Variants in KCNQ3 observed in about 807,000 individuals in gnomAD.
KCNQ3 encodes potassium voltage-gated channel subfamily Q member 3.
A neutral mutation model predicts 92.5 loss-of-function variants in KCNQ3; 30 were observed. The ratio of observed to expected loss-of-function variants is 0.32; its 90% CI spans 0.24 to 0.44. The LOEUF (loss-of-function observed/expected upper bound fraction) is 0.44, where lower values mean the gene tolerates loss of function less well. KCNQ3 is among the 20% of genes least tolerant of loss of function. The pLI, the probability that KCNQ3 is intolerant of heterozygous loss-of-function variation, is 1.00. For missense variants in KCNQ3, 913 were observed against 1,140.3 expected, an observed-to-expected ratio of 0.80 and a Z score of 2.87; for synonymous variants, 450 against 468.8, an observed-to-expected ratio of 0.96 and a Z score of 0.52.
At chr8:132,163,126 C>G (rs1169472272) in intron 9 of KCNQ3, among the ~76,000 whole-genome samples, 1 of 152,178 alleles carries the variant, frequency 6.6e-6, no homozygotes, top group Non-Finnish European at 1.5e-5. Flanking sequence ...CACTCAATCT[C>G]AACCCAACCT....
chr8:132,437,449 A>G (rs1339500985), intron 1 of KCNQ3, among the ~76,000 whole-genome samples: 1 of 152,200 alleles, frequency 6.6e-6, no homozygotes, highest in East Asian at 1.9e-4. Flanking sequence ...CTTGCAGGTG[A>G]ACATGGAATA....
chr8:132,348,101 T>G (rs1818751766), intron 1 of KCNQ3, among the ~76,000 whole-genome samples: 1 of 152,010 alleles, frequency 6.6e-6, no homozygotes, highest in African/African-American at 2.4e-5. Context: ...ATTTCCTACA[T>G]TGTAATTTAT....
chr8:132,361,162 G>A (rs1020417877), intron 1 of KCNQ3, among the ~76,000 whole-genome samples: 3 of 152,156 alleles, frequency 2.0e-5, no homozygotes, highest in Admixed American at 1.3e-4. Context: ...GAACAAACTG[G>A]TATGCGAGAC....
intron 1 of KCNQ3, among the ~76,000 whole-genome samples, chr8:132,377,519 G>A (rs1819643372): frequency 6.6e-6 from 1 of 152,198 alleles, no homozygotes; most frequent in African/African-American, 2.4e-5. Flanking sequence ...ATGAGGCTGG[G>A]TCAGGGAGTC....
chr8:132,318,427 G>A (rs527569341), intron 1 of KCNQ3, among the ~76,000 whole-genome samples: 2 of 152,288 alleles, frequency 1.3e-5, no homozygotes, highest in East Asian at 3.9e-4. Flanking sequence ...CTCTCACAGA[G>A]GGAATCTGTT....
intron 1 of KCNQ3, among the ~76,000 whole-genome samples, chr8:132,214,838 C>T (rs1459591363): frequency 6.6e-6 from 1 of 152,208 alleles, no homozygotes; most frequent in Admixed American, 6.5e-5. Flanking sequence ...TGTTTGGCAC[C>T]TGGGGCATTG....
At chr8:132,210,256 A>C (rs543299386) in intron 1 of KCNQ3, among the ~76,000 whole-genome samples, 6 of 152,200 alleles carry the variant, frequency 3.9e-5, no homozygotes, top group Non-Finnish European at 7.3e-5. Context: ...AGAAGGAAGA[A>C]ATCACCAGCT....
At chr8:132,277,076 A>ATTT (rs1816358406) in intron 1 of KCNQ3, among the ~76,000 whole-genome samples, 1 of 150,860 alleles carries the variant, frequency 6.6e-6, no homozygotes, top group Non-Finnish European at 1.5e-5. Context: ...ATAATTTTTA[A>ATTT]AAAAAAAAAG....
intron 1 of KCNQ3, among the ~76,000 whole-genome samples, chr8:132,197,680 A>C (rs1827337452): frequency 6.6e-6 from 1 of 152,146 alleles, no homozygotes; most frequent in Admixed American, 6.5e-5. Flanking sequence ...GGTGACATTT[A>C]ATTTTTCATT....
chr8:132,323,557 G>T (rs1343665615), intron 1 of KCNQ3, among the ~76,000 whole-genome samples: 4 of 152,076 alleles, frequency 2.6e-5, no homozygotes, highest in Non-Finnish European at 5.9e-5. Context: ...CCCAAAACCT[G>T]CTCCTAGCCT....
intron 1 of KCNQ3, among the ~76,000 whole-genome samples, chr8:132,234,946 T>G (rs1440556700): frequency 6.6e-6 from 1 of 152,246 alleles, no homozygotes; most frequent in Non-Finnish European, 1.5e-5. Flanking sequence ...TCACATTCCG[T>G]GGTGATGGTT....
In KCNQ3 at chr8:132,127,456, G is replaced by C. The variant is rs1159658679; in HGVS notation, c.*1806C>G. 1 of 152,146 alleles carries C rather than the reference G, an allele frequency of 6.6e-6. No homozygotes were observed. Among genetic ancestry groups the C allele is most frequent in the Non-Finnish European group, 1.5e-5 (1 of 68,022 alleles). The allele number at this position is 152,146 out of a possible 1,614,324, so 9.4% of individuals were successfully genotyped here. ...TAACTGTTGACATGTGAGTTGAAAGGAACCTATCTCTGAGGAAGTGATTCC... is the reference window on the plus strand; with the variant it reads ...TAACTGTTGACATGTGAGTTGAAAGCAACCTATCTCTGAGGAAGTGATTCC... On this transcript the variant is annotated 3_prime_UTR_variant, in exon 15 of 15. Transcript: ENST00000388996.
chr8:132,181,877 C>A (rs1186148739), intron 3 of KCNQ3, among the ~76,000 whole-genome samples: 9 of 151,250 alleles, frequency 6.0e-5, no homozygotes, highest in Admixed American at 2.0e-4. Context: ...CATGTCTCTA[C>A]TAAAAATACA....
chr8:132,475,711 C>T (rs1265634375), intron 1 of KCNQ3, among the ~76,000 whole-genome samples: 1 of 152,210 alleles, frequency 6.6e-6, no homozygotes, highest in Non-Finnish European at 1.5e-5. Flanking sequence ...GTAAGGAAAG[C>T]AGAGCATAAG....
chr8:132,368,856 C>T (rs1365198985), intron 1 of KCNQ3, among the ~76,000 whole-genome samples: 1 of 152,118 alleles, frequency 6.6e-6, no homozygotes, highest in East Asian at 1.9e-4. Flanking sequence ...GGTACATTTG[C>T]ACAGCTGTAT....
At chr8:132,221,689 T>C (rs1446767918) in intron 1 of KCNQ3, among the ~76,000 whole-genome samples, 1 of 152,190 alleles carries the variant, frequency 6.6e-6, no homozygotes, top group African/African-American at 2.4e-5. Context: ...TAAAATTGTT[T>C]AAGTTCTTGT....
intron 9 of KCNQ3, among the ~76,000 whole-genome samples, chr8:132,161,647 AAAAAAG>A (rs912844710): frequency 1.3e-4 from 20 of 152,144 alleles, no homozygotes; most frequent in East Asian, 7.7e-4. Context: ...AACAAAAAAC[AAAAAAG>A]AAAAAGAAAA....
At chr8:132,320,445 G>A (rs1342310513) in intron 1 of KCNQ3, among the ~76,000 whole-genome samples, 1 of 152,086 alleles carries the variant, frequency 6.6e-6, no homozygotes, top group Non-Finnish European at 1.5e-5. Context: ...AGCTCAGGGG[G>A]ATTATGTTAT....
intron 1 of KCNQ3, among the ~76,000 whole-genome samples, chr8:132,329,180 A>G (rs1818156962): frequency 2.6e-5 from 4 of 152,178 alleles, no homozygotes; most frequent in Admixed American, 2.6e-4. Context: ...AGAGCATGAA[A>G]ATAGGGCAAC....
Sources: gnomAD v4.1 joint callset for allele counts (sites outside exome capture counted in the v4.1 genomes callset) on GRCh38, gnomAD v4.1.1 for gene constraint, MANE v1.5 for transcripts, NCBI Gene and HGNC (gene_info 2026-07-23, HGNC 2026-07-21) for gene names.